Variants in PEF1 observed in about 807,000 individuals in gnomAD.
PEF1 encodes the protein penta-EF-hand domain containing 1.
PEF1 carries 17 observed loss-of-function variants against 32.0 expected under a neutral mutation model. The observed-to-expected ratio is 0.53, with a 90% CI of 0.36 to 0.80. PEF1 has a LOEUF of 0.80. PEF1 is among the 30% of genes least tolerant of loss of function. PEF1 has a pLI of 0.00. For missense variants in PEF1, 362 were observed against 369.1 expected (o/e 0.98, Z 0.16); for synonymous variants, 130 against 139.8 (o/e 0.93, Z 0.50).
chr1:31,639,257 A>C (rs1408631021), intron 1 of PEF1, among the ~76,000 whole-genome samples: 1 of 152,206 alleles, frequency 6.6e-6, no homozygotes. Flanking sequence ...GTGTGAACCC[A>C]GAAAGGCAGG....
chr1:31,630,257 G>A lies in PEF1; in HGVS notation c.*356C>T. The A allele has an allele frequency of 3.2e-6, 1 of 317,000 alleles. No individual in the cohort carries two copies. Among genetic ancestry groups the A allele is most frequent in the South Asian group, 3.3e-5 (1 of 30,160 alleles). 19.6% of individuals were successfully genotyped at this position (317,000 alleles called of 1,614,324 possible). A position where few individuals can be genotyped will look rare whatever the true frequency, so the allele number is the denominator to read the frequency against. ...GGAACACAGGTACTAACGGTAACAG[G>A]CCGATGAACACTCACCACTGGCATC... On this transcript the variant is annotated 3_prime_UTR_variant, in exon 5 of 5. Transcript: ENST00000373703.
intron 1 of PEF1, among the ~76,000 whole-genome samples, chr1:31,640,694 TCTACCTGCA>T (rs1190066660): frequency 2.0e-5 from 3 of 152,146 alleles, no homozygotes; most frequent in Admixed American, 2.0e-4. Flanking sequence ...ACCTGGAATC[TCTACCTGCA>T]CTTGCGCAAG....
Position 31,633,236 on chromosome 1 carries a change from G to T in PEF1, c.404C>A (p.Ser135Tyr). Residue 135 changes from serine (S) to tyrosine (Y), a missense_variant, in exon 3 of 5, where the codon TCC becomes TAC. By Grantham distance (144) the Ser-to-Tyr change is moderately radical. Coordinates refer to ENST00000373703, the MANE Select transcript of PEF1 (RefSeq NM_012392.4). Reference sequence around the variant, plus strand: ...CAGGGCCTGCTTTAGCTCCTTCATGGAGATATAGCCACTGTGATCTGAGTC... The same window carrying T: ...CAGGGCCTGCTTTAGCTCCTTCATGTAGATATAGCCACTGTGATCTGAGTC... ...SVDSDHSGYI[S>Y]MKELKQALVN... 6.2e-7 allele frequency: 1 copy of T among 1,614,132 alleles called. No individual in the cohort carries two copies. Among genetic ancestry groups the T allele is most frequent in the Non-Finnish European group, 8.5e-7 (1 of 1,180,004 alleles).
At chr1:31,637,848 C>G (rs1640298311) in intron 1 of PEF1, among the ~76,000 whole-genome samples, 1 of 152,062 alleles carries the variant, frequency 6.6e-6, no homozygotes, top group African/African-American at 2.4e-5. Flanking sequence ...GAAAACCACT[C>G]ACATAAGAAA....
intron 2 of PEF1, chr1:31,634,692 C>G (rs940775065): frequency 4.8e-5 from 17 of 354,824 alleles, no homozygotes; most frequent in African/African-American, 2.6e-4. Flanking sequence ...TTGCTAATCT[C>G]CCCTTCCCTA....
chr1:31,643,770 GT>G (rs1241659824), intron 1 of PEF1, among the ~76,000 whole-genome samples: 1 of 152,162 alleles, frequency 6.6e-6, no homozygotes, highest in Non-Finnish European at 1.5e-5. Flanking sequence ...AATTGATCTT[GT>G]TTTCCCACAT....
intron 1 of PEF1, among the ~76,000 whole-genome samples, chr1:31,641,970 G>A (rs1207228842): frequency 1.3e-5 from 2 of 152,228 alleles, no homozygotes; most frequent in African/African-American, 4.8e-5. Context: ...GGTGGCTCAC[G>A]CCTGTAATCC....
Position 31,630,546 on chromosome 1 carries a change from A to C in PEF1, c.*67T>G. ...GGACAGGAAAAGAAGAGATGTCCAC[A>C]TACTTCTCTCACTCTAAGAAGCCAG... is the stretch of plus-strand genomic sequence containing the variant. On this transcript the variant is annotated 3_prime_UTR_variant, in exon 5 of 5. Coordinates refer to ENST00000373703, the MANE Select transcript of PEF1 (RefSeq NM_012392.4). The C allele has an allele frequency of 2.8e-6, 4 of 1,416,220 alleles. No homozygotes were observed. The South Asian group carries it at 3.6e-5, about 13-fold the overall frequency. 87.7% of individuals were successfully genotyped at this position (1,416,220 alleles called of 1,614,324 possible).
intron 1 of PEF1, among the ~76,000 whole-genome samples, chr1:31,637,241 G>A (rs1001181042): frequency 1.3e-5 from 2 of 151,882 alleles, no homozygotes; most frequent in Non-Finnish European, 2.9e-5. Flanking sequence ...CTCCTTCACA[G>A]ACAAGAATGG....
intron 1 of PEF1, chr1:31,644,631 G>A (rs562622720): frequency 1.4e-6 from 2 of 1,444,268 alleles, no homozygotes; most frequent in Non-Finnish European, 1.8e-6. Flanking sequence ...CGTCAAGGGG[G>A]CGCGACACGA....
chr1:31,643,620 C>T (rs1436895121), intron 1 of PEF1, among the ~76,000 whole-genome samples: 1 of 152,170 alleles, frequency 6.6e-6, no homozygotes, highest in African/African-American at 2.4e-5. Context: ...GGTAATAATA[C>T]CTGCATGCCG....
intron 1 of PEF1, among the ~76,000 whole-genome samples, chr1:31,641,965 C>A (rs1640400863): frequency 6.6e-6 from 1 of 152,234 alleles, no homozygotes; most frequent in African/African-American, 2.4e-5. Flanking sequence ...GGCGTGGTGG[C>A]TCACGCCTGT....
At chr1:31,637,670 G>C (rs1410552896) in intron 1 of PEF1, among the ~76,000 whole-genome samples, 1 of 146,214 alleles carries the variant, frequency 6.8e-6, no homozygotes, top group Non-Finnish European at 1.5e-5. Context: ...AAAAAAAAGA[G>C]AGAGAGAAAG....
At chr1:31,631,500 C>A (rs1218072135) in intron 4 of PEF1, among the ~76,000 whole-genome samples, 1 of 152,270 alleles carries the variant, frequency 6.6e-6, no homozygotes, top group East Asian at 1.9e-4. Flanking sequence ...CTTACCAGGC[C>A]AGGCTAAAAC....
At chr1:31,644,062 C>T (rs1424566868) in intron 1 of PEF1, 1 of 152,234 alleles carries the variant, frequency 6.6e-6, no homozygotes, top group African/African-American at 2.4e-5. Flanking sequence ...CTCAGAAAGG[C>T]AAAACAGCTT....
intron 3 of PEF1, 46 bp downstream of exon 3, chr1:31,633,113 G>C (rs776937159): frequency 1.9e-6 from 3 of 1,578,976 alleles, no homozygotes; most frequent in Non-Finnish European, 1.7e-6. Context: ...TCCACTATCA[G>C]GTGGCTCTGC....
At chr1:31,639,670 T>C (rs1640347410) in intron 1 of PEF1, among the ~76,000 whole-genome samples, 1 of 152,166 alleles carries the variant, frequency 6.6e-6, no homozygotes, top group East Asian at 1.9e-4. Context: ...GACAGCACAC[T>C]TGGGGATGAA....
At chr1:31,637,598 G>A (rs531954219) in intron 1 of PEF1, among the ~76,000 whole-genome samples, 2 of 122,088 alleles carry the variant, frequency 1.6e-5, no homozygotes, top group South Asian at 2.8e-4. Flanking sequence ...AGCTGTGATT[G>A]TGCCACAACA....
In PEF1 at chr1:31,644,334, C is replaced by A. The variant is rs1456893290; in HGVS notation, c.24+507G>T. On this transcript the variant is annotated intron_variant, in intron 1 of 4. Transcript: ENST00000373703. Reference sequence around the variant, plus strand: ...TCTTCTCGGGGTTCACTTTTCTACACGCGAAATGGCGGTGTTGAACTAAGT... The same window carrying A: ...TCTTCTCGGGGTTCACTTTTCTACAAGCGAAATGGCGGTGTTGAACTAAGT... The A allele has an allele frequency of 4.1e-6, 4 of 979,220 alleles. No individual in the cohort carries two copies. In the African/African-American group the frequency reaches 5.3e-5, roughly 13 times the overall value. The allele number at this position is 979,220 out of a possible 1,614,324, so 60.7% of individuals were successfully genotyped here.
Sources: allele counts gnomAD v4.1 joint callset (sites outside exome capture counted in the v4.1 genomes callset), GRCh38; gene constraint gnomAD v4.1.1; transcripts MANE v1.5; gene names NCBI Gene and HGNC (gene_info 2026-07-23, HGNC 2026-07-21).